DOCK8: variants seen among roughly 807,000 people sequenced by gnomAD.
The protein encoded by DOCK8 is dedicator of cytokinesis protein 8.
In DOCK8, 141 loss-of-function variants were observed where a neutral mutation model predicts 245.6. The ratio of observed to expected loss-of-function variants is 0.57; its 90% CI spans 0.50 to 0.66. The LOEUF (loss-of-function observed/expected upper bound fraction) is 0.66. Ranked by LOEUF, DOCK8 falls within the 30% of genes least tolerant of loss-of-function variation. The pLI, the probability that DOCK8 is intolerant of heterozygous loss-of-function variation, is 0.00. For missense variants in DOCK8, 2,965 were observed against 2,603.4 expected (o/e 1.14, Z -3.02); for synonymous variants, 1,168 against 970.2 (o/e 1.20, Z -3.79).
At chr9:404,541 A>G (rs1209627277) in intron 26 of DOCK8, among the ~76,000 whole-genome samples, 1 of 152,224 alleles carries the variant, frequency 6.6e-6, no homozygotes, top group Non-Finnish European at 1.5e-5. Flanking sequence ...ACAGGCTCAT[A>G]TGAGGTCAAC....
intron 15 of DOCK8, chr9:368,513 T>G: frequency 1.8e-6 from 1 of 568,496 alleles, no homozygotes; most frequent in South Asian, 2.1e-5. Context: ...CACTGTGTTA[T>G]ACACACACAG....
intron 44 of DOCK8, among the ~76,000 whole-genome samples, chr9:447,112 G>T (rs974019154): frequency 2.0e-5 from 3 of 152,042 alleles, no homozygotes; most frequent in African/African-American, 7.2e-5. Flanking sequence ...TTCCTCCTGT[G>T]ATTTTAAACA....
intron 28 of DOCK8, among the ~76,000 whole-genome samples, chr9:414,096 C>T (rs970710507): frequency 3.4e-5 from 5 of 148,980 alleles, no homozygotes; most frequent in East Asian, 2.0e-4. Flanking sequence ...GAGCCGAGAT[C>T]GTGTCATTGC....
chr9:444,149 T>C (rs1476306545), intron 43 of DOCK8, among the ~76,000 whole-genome samples: 1 of 151,910 alleles, frequency 6.6e-6, no homozygotes. Context: ...GGTGTACAGT[T>C]CTGATGCTAA....
intron 26 of DOCK8, among the ~76,000 whole-genome samples, chr9:400,228 T>G (rs1187110043): frequency 5.3e-4 from 35 of 66,382 alleles, no homozygotes; most frequent in African/African-American, 1.7e-3. Flanking sequence ...CACCACCACC[T>G]CCACCATCAC....
chr9:407,515 A>G lies in DOCK8; in HGVS notation c.3530+446A>G, dbSNP rs550687194. On this transcript the variant is annotated intron_variant, in intron 28 of 47. Coordinates refer to ENST00000432829, the MANE Select transcript of DOCK8 (RefSeq NM_203447.4). ...CATGCCCAGATTAGGTTTCTTGCAGACAGTGCTTCTCAGGCCAAGAGACAC... is the reference window on the plus strand; with the variant it reads ...CATGCCCAGATTAGGTTTCTTGCAGGCAGTGCTTCTCAGGCCAAGAGACAC... 7.9e-5 allele frequency among the ~76,000 whole-genome samples: 12 copies of G among 152,316 alleles called. No homozygotes were observed. In the South Asian group the frequency reaches 1.9e-3, roughly 24 times the overall value.
At chr9:264,509 T>C (rs146821242) in intron 1 of DOCK8, among the ~76,000 whole-genome samples, 1 of 152,298 alleles carries the variant, frequency 6.6e-6, no homozygotes, top group Non-Finnish European at 1.5e-5. Flanking sequence ...AGATAGAGAA[T>C]ATGAGAAACG....
At chr9:300,753 G>T (rs1658283977) in intron 4 of DOCK8, among the ~76,000 whole-genome samples, 1 of 152,066 alleles carries the variant, frequency 6.6e-6, no homozygotes, top group African/African-American at 2.4e-5. Context: ...TAGAAGAAAT[G>T]GATAGATTCC....
At chr9:309,102 C>G (rs2049981833) in intron 5 of DOCK8, among the ~76,000 whole-genome samples, 1 of 152,202 alleles carries the variant, frequency 6.6e-6, no homozygotes, top group South Asian at 2.1e-4. Context: ...CCCTCACATT[C>G]TTGCACACTT....
chr9:375,246 A>G (rs1308326122), intron 18 of DOCK8, among the ~76,000 whole-genome samples: 1 of 152,210 alleles, frequency 6.6e-6, no homozygotes, highest in Non-Finnish European at 1.5e-5. Flanking sequence ...GATGAAAGAC[A>G]TACAAACCTA....
chr9:379,665 A>C (rs2053659902), intron 20 of DOCK8, 106 bp from the exon 21 acceptor site: 1 of 1,277,160 alleles, frequency 7.8e-7, no homozygotes, highest in South Asian at 1.2e-5. Context: ...GGCCTAGTTA[A>C]ATTGGTCAGC....
chr9:292,178 C>T (rs1284101348), intron 4 of DOCK8, among the ~76,000 whole-genome samples: 1 of 150,654 alleles, frequency 6.6e-6, no homozygotes, highest in Admixed American at 6.6e-5. Context: ...TGAGACCAGC[C>T]TGACCAACAT....
At chr9:348,900 T>C (rs1053834884) in intron 14 of DOCK8, among the ~76,000 whole-genome samples, 4 of 152,150 alleles carry the variant, frequency 2.6e-5, no homozygotes, top group Non-Finnish European at 5.9e-5. Context: ...CCCCCAAAGG[T>C]CAGCATTCAT....
rs10119664 is a variant in DOCK8 at position 236,779 on chromosome 9, A to G, written c.53+21750A>G. On this transcript the variant is annotated intron_variant, in intron 1 of 47. Transcript: ENST00000432829. ...GTGGTTCTCCTCCAAGCAGTGACTC[A>G]GGGACCCAGGCTGCTTCCATCTTAC... Among the ~76,000 whole-genome samples, 883 of 152,340 alleles carry G rather than the reference A, an allele frequency of 5.8e-3. 5 individuals carry two copies. Among genetic ancestry groups the G allele is most frequent in the African/African-American group, 0.02 (821 of 41,590 alleles).
intron 5 of DOCK8, among the ~76,000 whole-genome samples, chr9:307,689 T>C (rs1265736062): frequency 6.6e-6 from 1 of 152,072 alleles, no homozygotes; most frequent in Non-Finnish European, 1.5e-5. Flanking sequence ...AACTTGATCA[T>C]ATGATCCAGC....
At chr9:400,000 ACCACCT>A (rs1181837872) in intron 26 of DOCK8, among the ~76,000 whole-genome samples, 4 of 105,858 alleles carry the variant, frequency 3.8e-5, no homozygotes, top group Non-Finnish European at 4.1e-5. Flanking sequence ...CACCACCTCC[ACCACCT>A]CCACCATCAC....
At chr9:318,995 T>C (rs954465653) in intron 7 of DOCK8, among the ~76,000 whole-genome samples, 5 of 152,140 alleles carry the variant, frequency 3.3e-5, no homozygotes, top group African/African-American at 9.7e-5. Flanking sequence ...TATGTGTTAT[T>C]TTAAAAAAAT....
chr9:295,028 C>T (rs1368050822), intron 4 of DOCK8, among the ~76,000 whole-genome samples: 1 of 152,086 alleles, frequency 6.6e-6, no homozygotes, highest in Non-Finnish European at 1.5e-5. Context: ...GGCGTGGTGG[C>T]ACGTGCCTGT....
At chr9:277,205 A>C (rs1336455151) in intron 2 of DOCK8, 1 of 155,012 alleles carries the variant, frequency 6.5e-6, no homozygotes, top group Non-Finnish European at 1.4e-5. Context: ...GATAGCTTGA[A>C]GCCAAGAGTT....
Sources: gnomAD v4.1 joint callset for allele counts (sites outside exome capture counted in the v4.1 genomes callset) on GRCh38, gnomAD v4.1.1 for gene constraint, MANE v1.5 for transcripts, NCBI Gene and HGNC (gene_info 2026-07-23, HGNC 2026-07-21) for gene names.